Variants in SPEN observed in about 807,000 individuals in gnomAD.
SPEN encodes spen family transcriptional repressor, also known as msx2-interacting protein.
Under a neutral mutation model 269.9 loss-of-function variants are expected in SPEN, and 18 were observed. The observed-to-expected ratio is 0.07, with a 90% CI of 0.05 to 0.10. The LOEUF (loss-of-function observed/expected upper bound fraction) is 0.10, where lower values mean the gene tolerates loss of function less well. Among genes scored for constraint, SPEN ranks in the 10% least tolerant of loss-of-function variants. The pLI, the probability that SPEN is intolerant of heterozygous loss-of-function variation, is 1.00. For missense variants in SPEN, 3,822 were observed against 4,631.2 expected (o/e 0.83, Z 5.07); for synonymous variants, 1,726 against 1,765.7 (o/e 0.98, Z 0.56).
Position 15,866,584 on chromosome 1 carries a change from AC to A in SPEN, c.84-6230del, listed in dbSNP as rs2070513989. On this transcript the variant is annotated intron_variant, in intron 1 of 14. Transcript: ENST00000375759. ...TAGCCAGGATAGTCTCGATCTACTG[AC>A]CTCGTGATCTGCCTGCCTGGGCCTC... is the stretch of plus-strand genomic sequence containing the variant. 3.9e-5 allele frequency among the ~76,000 whole-genome samples: 6 copies of A among 152,248 alleles called. No homozygotes were observed. In the South Asian group the frequency reaches 1.2e-3, roughly 32 times the overall value.
chr1:15,930,014 T>C lies in SPEN; in HGVS notation c.3774T>C (p.Thr1258=). The C allele has an allele frequency of 6.2e-7, 1 of 1,614,186 alleles. No individual in the cohort carries two copies. Among genetic ancestry groups the C allele is most frequent in the Non-Finnish European group, 8.5e-7 (1 of 1,180,036 alleles). Residue 1258 remains threonine, a synonymous_variant, in exon 11 of 15, where the codon ACT becomes ACC. Transcript: ENST00000375759. The surrounding 1 kb of genome is among the most constrained non-coding windows in gnomAD (Gnocchi z 5.3). ...AAATCAGCGAAGATTCTGAAAGGAC[T>C]GGTGGTTCTCCCAGTGTCCGACATG... The part of the protein sequence containing the change: ...SRQISEDSER[T]GGSPSVRHGS...
At chr1:15,921,032 C>A in intron 9 of SPEN, 49 bp downstream of exon 9, 1 of 1,291,346 alleles carries the variant, frequency 7.7e-7, no homozygotes, top group Non-Finnish European at 1.1e-6. Context: ...CTATTCAAAT[C>A]TCACCCTCTT....
At chr1:15,906,921 G>A (rs1487948978) in intron 3 of SPEN, among the ~76,000 whole-genome samples, 1 of 151,554 alleles carries the variant, frequency 6.6e-6, no homozygotes, top group African/African-American at 2.4e-5. Context: ...TTACAGGTAC[G>A]TGCCACCATG....
At chr1:15,889,959 C>T (rs1239269404) in intron 3 of SPEN, among the ~76,000 whole-genome samples, 1 of 152,136 alleles carries the variant, frequency 6.6e-6, no homozygotes, top group East Asian at 1.9e-4. Flanking sequence ...AGGTGATCCA[C>T]CCGCCTCGGC....
intron 3 of SPEN, among the ~76,000 whole-genome samples, chr1:15,894,626 C>T (rs1188461470): frequency 7.4e-5 from 11 of 149,456 alleles, no homozygotes; most frequent in Admixed American, 3.3e-4. Context: ...CTGCAACCTC[C>T]GCCTCCTGGG....
chr1:15,848,271 G>A lies in SPEN; in HGVS notation c.83+121G>A. 1 of 552,822 alleles carries A rather than the reference G, an allele frequency of 1.8e-6. No individual in the cohort carries two copies. The highest frequency in any genetic ancestry group is 6.0e-5 in the South Asian group (1 of 16,762). 34.2% of individuals were successfully genotyped at this position (552,822 alleles called of 1,614,324 possible). ...GGAGGACTCCGGCCCGGACCCACGG[G>A]CGCTGTGGGACCTCGTCAGCCGCTC... On this transcript the variant is annotated intron_variant, in intron 1 of 14. Coordinates refer to ENST00000375759, the MANE Select transcript of SPEN (RefSeq NM_015001.3). This position sits in a 1 kb window ranked among gnomAD's most constrained non-coding sequence, Gnocchi z 5.1.
At chr1:15,898,173 TTG>T (rs58297957) in intron 3 of SPEN, among the ~76,000 whole-genome samples, 35,078 of 147,192 alleles carry the variant, frequency 0.24, 4,343 homozygotes, top group South Asian at 0.35. Flanking sequence ...TAATTTATCT[TTG>T]TGTGTGTGTG....
rs1486045383 is a variant in SPEN at position 15,933,959 on chromosome 1, C to T, written c.7719C>T (p.Pro2573=). ...SAAPCLHEAP[P]PPVDSKKPLE... The stretch of plus-strand genomic sequence containing the variant: ...CCCCTTGCCTACATGAGGCCCCGCC[C>T]CCGCCAGTTGACTCTAAAAAGCCTT... Residue 2573 remains proline (P), a synonymous_variant, in exon 11 of 15, where the codon CCC becomes CCT. Coordinates refer to ENST00000375759, the MANE Select transcript of SPEN (RefSeq NM_015001.3). The surrounding 1 kb of genome is among the most constrained non-coding windows in gnomAD (Gnocchi z 5.7). 1 of 1,613,984 alleles carries T rather than the reference C, an allele frequency of 6.2e-7. No individual in the cohort carries two copies. Among genetic ancestry groups the T allele is most frequent in the Admixed American group, 1.7e-5 (1 of 60,006 alleles).
intron 11 of SPEN, among the ~76,000 whole-genome samples, chr1:15,936,691 C>T (rs535819974): frequency 1.1e-4 from 16 of 150,682 alleles, no homozygotes; most frequent in African/African-American, 3.6e-4. Context: ...AATCCCAACA[C>T]TTTGGGAGGC....
chr1:15,911,349 T>G, intron 5 of SPEN, 48 bp downstream of exon 5: 2 of 1,492,992 alleles, frequency 1.3e-6, no homozygotes, highest in South Asian at 1.1e-5. Context: ...CACACACTGT[T>G]TGTGTTGCAG....
chr1:15,939,551 C>T lies in SPEN; in HGVS notation c.*124C>T, dbSNP rs891655001. The T allele has an allele frequency of 7.2e-6, 9 of 1,244,930 alleles. No individual in the cohort carries two copies. The highest frequency in any genetic ancestry group is 6.3e-5 in the African/African-American group (4 of 63,990). The allele number at this position is 1,244,930 out of a possible 1,614,324, so 77.1% of individuals were successfully genotyped here. The stretch of plus-strand genomic sequence containing the variant: ...CAGACTCCACTGCCAGACGGCCAGC[C>T]GTTTGCTGTCCTGCCGCCCGGCTCA... On this transcript the variant is annotated 3_prime_UTR_variant, in exon 15 of 15. Transcript: ENST00000375759. This position sits in a 1 kb window ranked among gnomAD's most constrained non-coding sequence, Gnocchi z 4.1.
Position 15,934,395 on chromosome 1 carries a change from A to G in SPEN, c.8155A>G (p.Asn2719Asp), listed in dbSNP as rs1255280078. 2.5e-6 allele frequency: 4 copies of G among 1,613,580 alleles called. No individual in the cohort carries two copies. The highest frequency in any genetic ancestry group is 3.4e-6 in the Non-Finnish European group (4 of 1,180,036). ...TPVNATVGTVNAAPGTVNAAA... is the reference protein window; with the variant it reads ...TPVNATVGTVDAAPGTVNAAA... ...AGTGAACGCCACGGTGGGCACAGTG[A>G]ATGCCGCCCCAGGCACAGTCAATGC... The change falls in exon 11 of 15, where the codon AAT (asparagine) becomes GAT (aspartate). Residue 2719 changes from asparagine to aspartate, a missense_variant. Physicochemically the swap from Asn to Asp is conservative, Grantham distance 23. Around this residue, in one of 16 missense-constraint regions of SPEN, gnomAD observed 329 missense variants for 431.2 expected, o/e 0.76. Transcript: ENST00000375759. The surrounding 1 kb of genome is among the most constrained non-coding windows in gnomAD (Gnocchi z 9.2).
intron 3 of SPEN, among the ~76,000 whole-genome samples, chr1:15,905,675 C>T (rs2070948794): frequency 6.6e-6 from 1 of 151,984 alleles, no homozygotes; most frequent in Admixed American, 6.6e-5. Context: ...CGGGTTCAAG[C>T]AGTTCTCCTG....
In SPEN at chr1:15,930,584, T is replaced by A. The variant is rs1157755725; in HGVS notation, c.4344T>A (p.Leu1448=). The A allele has an allele frequency of 6.2e-7, 1 of 1,614,076 alleles. No individual in the cohort carries two copies. Among genetic ancestry groups the A allele is most frequent in the Admixed American group, 1.7e-5 (1 of 60,020 alleles). Residue 1448 remains leucine, a synonymous_variant, in exon 11 of 15, where the codon CTT becomes CTA. Coordinates refer to ENST00000375759, the MANE Select transcript of SPEN (RefSeq NM_015001.3). This position sits in a 1 kb window ranked among gnomAD's most constrained non-coding sequence, Gnocchi z 5.3. ...KTITPDTKAL[L]ERAKSLSSSR... Reference sequence around the variant, plus strand: ...TCACACCAGACACTAAAGCTTTGCTTGAAAGAGCTAAATCCCTCTCTTCAT... The same window carrying A: ...TCACACCAGACACTAAAGCTTTGCTAGAAAGAGCTAAATCCCTCTCTTCAT...
In SPEN at chr1:15,859,905, C is replaced by T. The variant is rs370321503; in HGVS notation, c.83+11755C>T. On this transcript the variant is annotated intron_variant, in intron 1 of 14. Transcript: ENST00000375759. ...AGTATAAAGAATGATCAGTTAACAT[C>T]TTTTTTTTTTTTTTTTTTTTTTTTG... 1.6e-3 allele frequency among the ~76,000 whole-genome samples: 128 copies of T among 79,606 alleles called. 1 individual carries two copies. The highest frequency in any genetic ancestry group is 2.8e-3 in the African/African-American group (52 of 18,766). The allele number at this position is 79,606 out of a possible 152,430, so 52.2% of individuals were successfully genotyped here.
At position 15,934,307 on chromosome 1, in the gene SPEN, C is replaced by G. The variant is rs745591509; in HGVS notation, c.8067C>G (p.Pro2689=). 6.2e-7 allele frequency: 1 copy of G among 1,614,108 alleles called. No individual in the cohort carries two copies. Among genetic ancestry groups the G allele is most frequent in the East Asian group, 2.2e-5 (1 of 44,880 alleles). Residue 2689 remains proline (P), a synonymous_variant, in exon 11 of 15, where the codon CCC becomes CCG. Coordinates refer to ENST00000375759, the MANE Select transcript of SPEN (RefSeq NM_015001.3). The surrounding 1 kb of genome is among the most constrained non-coding windows in gnomAD (Gnocchi z 9.2). ...LKSLVSTPAG[P]VNVLKGPVNV... ...GTTTGGTGAGCACCCCTGCTGGGCCCGTGAACGTCCTGAAAGGGCCTGTGA... is the reference window on the plus strand; with the variant it reads ...GTTTGGTGAGCACCCCTGCTGGGCCGGTGAACGTCCTGAAAGGGCCTGTGA...
rs375319827 is a variant in SPEN at position 15,898,558 on chromosome 1, C to CTT, written c.882-10749_882-10748dup. Among the ~76,000 whole-genome samples, 441 of 131,974 alleles carry CTT rather than the reference C, an allele frequency of 3.3e-3. 1 individual carries two copies. Among genetic ancestry groups the CTT allele is most frequent in the South Asian group, 0.011 (48 of 4,174 alleles). 86.6% of individuals were successfully genotyped at this position (131,974 alleles called of 152,430 possible). A position where few individuals can be genotyped will look rare whatever the true frequency, so the allele number is the denominator to read the frequency against. On this transcript the variant is annotated intron_variant, in intron 3 of 14. Coordinates refer to ENST00000375759, the MANE Select transcript of SPEN (RefSeq NM_015001.3). ...GTCAAAATTTTTTTTTTCTTTTTTT[C>CTT]TTTTTTTTTTTTTTTGTTTGAGACA...
At position 15,935,833 on chromosome 1, in the gene SPEN, T is replaced by C. The variant is rs751924330; in HGVS notation, c.9593T>C (p.Met3198Thr). Residue 3198 changes from methionine to threonine, a missense_variant, in exon 11 of 15, where the codon ATG (methionine) becomes ACG (threonine). Coordinates refer to ENST00000375759, the MANE Select transcript of SPEN (RefSeq NM_015001.3). The surrounding 1 kb of genome is among the most constrained non-coding windows in gnomAD (Gnocchi z 7.7). ...ACTGTGCCACGGGATGTGAGGATCA[T>C]GGTGCATCCACATGTGACGGCAGTC... is the stretch of plus-strand genomic sequence containing the variant. The part of the protein sequence containing the change: ...PYTVPRDVRI[M>T]VHPHVTAVSE... The C allele has an allele frequency of 1.9e-6, 3 of 1,613,848 alleles. No homozygotes were observed. Among genetic ancestry groups the C allele is most frequent in the South Asian group, 1.1e-5 (1 of 91,086 alleles).
chr1:15,873,064 G>C lies in SPEN; in HGVS notation c.332G>C (p.Gly111Ala). Residue 111 changes from glycine (G) to alanine (A), a missense_variant, in exon 2 of 15, where the codon GGT becomes GCT. By Grantham distance (60) the Gly-to-Ala change is moderately conservative. Coordinates refer to ENST00000375759, the MANE Select transcript of SPEN (RefSeq NM_015001.3). ...SREVSGFRGG[G>A]GGPAYGPPPS... Reference sequence around the variant, plus strand: ...GAGGTTTCTGGGTTCAGAGGAGGTGGTGGAGGGCCTGCTTATGGTCCCCCA... The same window carrying C: ...GAGGTTTCTGGGTTCAGAGGAGGTGCTGGAGGGCCTGCTTATGGTCCCCCA... The C allele has an allele frequency of 6.2e-7, 1 of 1,614,174 alleles. No individual in the cohort carries two copies. The highest frequency in any genetic ancestry group is 8.5e-7 in the Non-Finnish European group (1 of 1,180,026).
Sources: allele counts gnomAD v4.1 joint callset (sites outside exome capture counted in the v4.1 genomes callset), GRCh38; gene constraint gnomAD v4.1.1; regional missense constraint gnomAD v4.1.1; non-coding constraint Gnocchi (gnomAD v3.1); transcripts MANE v1.5; gene names NCBI Gene and HGNC (gene_info 2026-07-23, HGNC 2026-07-21).